DNAI1: variants seen among roughly 807,000 people sequenced by gnomAD.
DNAI1 encodes the protein dynein axonemal intermediate chain 1.
A neutral mutation model predicts 92.0 loss-of-function variants in DNAI1; 67 were observed. The ratio of observed to expected loss-of-function variants is 0.73; its 90% CI spans 0.60 to 0.89. The LOEUF is 0.89. DNAI1 is among the 40% of genes least tolerant of loss of function. DNAI1 has a pLI of 0.00. For missense variants in DNAI1, 839 were observed against 866.6 expected, an observed-to-expected ratio of 0.97 and a Z score of 0.40; for synonymous variants, 323 against 319.6, an observed-to-expected ratio of 1.01 and a Z score of -0.11.
intron 1 of DNAI1, among the ~76,000 whole-genome samples, chr9:34,477,531 T>G (rs534929035): frequency 6.6e-6 from 1 of 152,098 alleles, no homozygotes; most frequent in Non-Finnish European, 1.5e-5. Flanking sequence ...ATCATTAGAG[T>G]AGAGAGAAAC....
intron 12 of DNAI1, among the ~76,000 whole-genome samples, chr9:34,506,227 AC>A (rs755134287): frequency 3.9e-5 from 6 of 152,168 alleles, no homozygotes; most frequent in Non-Finnish European, 7.3e-5. Flanking sequence ...GGGGAGGGGT[AC>A]ATGGGCATTA....
At chr9:34,520,423 C>T (rs1181479096) in intron 19 of DNAI1, among the ~76,000 whole-genome samples, 2 of 152,204 alleles carry the variant, frequency 1.3e-5, no homozygotes, top group African/African-American at 4.8e-5. Context: ...CCATGTCCAT[C>T]TGAGGTTCAA....
intron 1 of DNAI1, among the ~76,000 whole-genome samples, chr9:34,470,867 A>T (rs1408048450): frequency 6.6e-6 from 1 of 152,210 alleles, no homozygotes; most frequent in Non-Finnish European, 1.5e-5. Context: ...AATATCTTAC[A>T]GTTTAACTTA....
intron 18 of DNAI1, 126 bp downstream of exon 18, chr9:34,514,865 G>A: frequency 9.3e-7 from 1 of 1,077,456 alleles, no homozygotes; most frequent in Non-Finnish European, 1.4e-6. Flanking sequence ...CATAAGGACT[G>A]TGTATTTTCC....
Position 34,506,699 on chromosome 9 carries a change from T to C in DNAI1, c.1136T>C (p.Met379Thr), listed in dbSNP as rs1482279511. 1 of 1,614,178 alleles carries C rather than the reference T, an allele frequency of 6.2e-7. No individual in the cohort carries two copies. Among genetic ancestry groups the C allele is most frequent in the South Asian group, 1.1e-5 (1 of 91,084 alleles). ...SLKNPSFPEY[M>T]FSSNSGVMCL... Reference sequence around the variant, plus strand: ...AAGAACCCCAGCTTCCCTGAGTACATGTTCAGCAGCAACAGCGGCGTCATG... The same window carrying C: ...AAGAACCCCAGCTTCCCTGAGTACACGTTCAGCAGCAACAGCGGCGTCATG... The change falls in exon 13 of 20, where the codon ATG becomes ACG. Residue 379 changes from methionine (M) to threonine (T), a missense_variant. By Grantham distance (81) the Met-to-Thr change is moderately conservative. Transcript: ENST00000242317.
chr9:34,501,996 A>C (rs1247185839), intron 12 of DNAI1, among the ~76,000 whole-genome samples: 1 of 152,166 alleles, frequency 6.6e-6, no homozygotes, highest in Admixed American at 6.5e-5. Context: ...TACACTTCAC[A>C]GTAGTCTCGC....
chr9:34,481,565 C>T (rs181298789), intron 1 of DNAI1, among the ~76,000 whole-genome samples: 105 of 152,334 alleles, frequency 6.9e-4, no homozygotes, highest in Middle Eastern at 3.4e-3. Context: ...CGGACCCTCG[C>T]GGTGAGTGTT....
intron 9 of DNAI1, among the ~76,000 whole-genome samples, chr9:34,495,787 G>A (rs1335656447): frequency 6.6e-6 from 1 of 152,128 alleles, no homozygotes; most frequent in Non-Finnish European, 1.5e-5. Flanking sequence ...TGCCTGACCT[G>A]GGGAGAGTCA....
chr9:34,514,751 C>T lies in DNAI1; in HGVS notation c.1818+12C>T, dbSNP rs770963117. The T allele has an allele frequency of 2.1e-5, 34 of 1,613,404 alleles. No individual in the cohort carries two copies. Among genetic ancestry groups the T allele is most frequent in the East Asian group, 1.1e-4 (5 of 44,902 alleles). ...CCACAGATGGGAAGGTGAGTGCCAGCGTCCTGACTTCACTGAGTCCCTACT... is the reference window on the plus strand; with the variant it reads ...CCACAGATGGGAAGGTGAGTGCCAGTGTCCTGACTTCACTGAGTCCCTACT... On this transcript the variant is annotated intron_variant, in intron 18 of 19. Coordinates refer to ENST00000242317, the MANE Select transcript of DNAI1 (RefSeq NM_012144.4).
At chr9:34,489,229 G>A (rs1483541754) in intron 4 of DNAI1, 94 bp from the exon 5 acceptor site, 2 of 1,452,472 alleles carry the variant, frequency 1.4e-6, no homozygotes, top group African/African-American at 1.4e-5. Flanking sequence ...TAACAAAGAT[G>A]GACTGTCTTT....
rs17353380 is a variant in DNAI1, at chr9:34,512,895, G to A, written c.1490-217G>A. 0.16 allele frequency among the ~76,000 whole-genome samples: 24,909 copies of A among 152,196 alleles called. 2,169 individuals carry two copies. Among genetic ancestry groups the A allele is most frequent in the African/African-American group, 0.2 (8,392 of 41,510 alleles). ...ATTCCTGTCTGCAGAACCCCTGGCCGTTTGCAGAATCCTAACTGCCTGGGA... is the reference window on the plus strand; with the variant it reads ...ATTCCTGTCTGCAGAACCCCTGGCCATTTGCAGAATCCTAACTGCCTGGGA... On this transcript the variant is annotated intron_variant, in intron 15 of 19. Coordinates refer to ENST00000242317, the MANE Select transcript of DNAI1 (RefSeq NM_012144.4).
At chr9:34,477,924 C>CTTTTT (rs74180566) in intron 1 of DNAI1, among the ~76,000 whole-genome samples, 4 of 49,002 alleles carry the variant, frequency 8.2e-5, no homozygotes, top group Admixed American at 2.5e-4. Context: ...CTCTCTCTCT[C>CTTTTT]TTTTTTTTTT....
chr9:34,520,560 A>G, intron 19 of DNAI1, 98 bp from the exon 20 acceptor site: 1 of 1,064,186 alleles, frequency 9.4e-7, no homozygotes, highest in Non-Finnish European at 1.4e-6. Flanking sequence ...GGGGAGGGGT[A>G]GGGCACAGCT....
chr9:34,510,826 C>T (rs928264466), intron 13 of DNAI1, among the ~76,000 whole-genome samples: 3 of 152,126 alleles, frequency 2.0e-5, no homozygotes, highest in Admixed American at 6.5e-5. Context: ...GAAGGAGAAG[C>T]GGTCTCAATA....
intron 12 of DNAI1, among the ~76,000 whole-genome samples, chr9:34,502,694 T>G (rs1564037820): frequency 6.6e-6 from 1 of 152,060 alleles, no homozygotes; most frequent in African/African-American, 2.4e-5. Flanking sequence ...CAATGTCCTT[T>G]GGGCAGGCAC....
Position 34,491,525 on chromosome 9 carries a change from A to G in DNAI1, c.652A>G (p.Arg218Gly). ...AGAATGCCAGACGGAGCCTCCTCCC[A>G]GGACAAACTTTTCAGCCACAGCCAA... ...DRECQTEPPP[R>G]TNFSATANQW... Residue 218 changes from arginine to glycine, a missense_variant, in exon 8 of 20, where the codon AGG becomes GGG. Transcript: ENST00000242317. 1 of 1,614,210 alleles carries G rather than the reference A, an allele frequency of 6.2e-7. No homozygotes were observed. Among genetic ancestry groups the G allele is most frequent in the Non-Finnish European group, 8.5e-7 (1 of 1,180,032 alleles).
intron 12 of DNAI1, among the ~76,000 whole-genome samples, chr9:34,504,645 C>A (rs1449879985): frequency 1.3e-5 from 2 of 152,222 alleles, no homozygotes; most frequent in Non-Finnish European, 2.9e-5. Context: ...AGGCCTTGCT[C>A]TTATTTCCAC....
rs1428048501 is a variant in DNAI1, at chr9:34,484,235, A to G, written c.81+755A>G. On this transcript the variant is annotated intron_variant, in intron 2 of 19. Coordinates refer to ENST00000242317, the MANE Select transcript of DNAI1 (RefSeq NM_012144.4). ...ATCTCAAATAAATAAATAAAAATAA[A>G]TAAAAATAAATGTTTTCTTTTTCAC... Among the ~76,000 whole-genome samples, 6 of 152,326 alleles carry G rather than the reference A, an allele frequency of 3.9e-5. 1 individual carries two copies. The East Asian group carries it at 7.7e-4, about 20-fold the overall frequency.
rs146015192 is a variant in DNAI1 at position 34,491,533 on chromosome 9, C to T, written c.660C>T (p.Asn220=). 3.5e-5 allele frequency: 56 copies of T among 1,614,096 alleles called. No individual in the cohort carries two copies. The Middle Eastern group carries it at 1.5e-3, about 43-fold the overall frequency. The change falls in exon 8 of 20, where the codon AAC becomes AAT. Residue 220 remains asparagine, a synonymous_variant. Transcript: ENST00000242317. ...AGACGGAGCCTCCTCCCAGGACAAA[C>T]TTTTCAGCCACAGCCAATCAGGTAA... ...ECQTEPPPRT[N]FSATANQWEI...
Sources: gnomAD v4.1 joint callset for allele counts (sites outside exome capture counted in the v4.1 genomes callset) on GRCh38, gnomAD v4.1.1 for gene constraint, MANE v1.5 for transcripts, NCBI Gene and HGNC (gene_info 2026-07-23, HGNC 2026-07-21) for gene names.